The following CACNA1C variants were observed in gnomAD, a reference collection of about 807,000 sequenced individuals.
CACNA1C encodes the protein calcium voltage-gated channel subunit alpha1 C.
CACNA1C carries 30 observed loss-of-function variants against 229.0 expected under a neutral mutation model. That is an observed-to-expected ratio of 0.13 (90% CI 0.10 to 0.18). CACNA1C has a LOEUF of 0.18. CACNA1C is among the 10% of genes least tolerant of loss of function. The probability of loss-of-function intolerance (pLI) is 1.00; values close to 1 mark genes in which losing one functional copy is unlikely to be tolerated. For missense variants in CACNA1C, 1,658 were observed against 2,845.0 expected, an observed-to-expected ratio of 0.58 and a Z score of 9.49; for synonymous variants, 1,114 against 1,132.5, an observed-to-expected ratio of 0.98 and a Z score of 0.33.
chr12:2,120,560 A>C (rs1292291579), intron 3 of CACNA1C, 130 bp downstream of exon 3: 1 of 704,420 alleles, frequency 1.4e-6, no homozygotes, highest in Non-Finnish European at 2.6e-6. Context: ...TGCAGAGCTC[A>C]CATCCCGAGT....
chr12:2,198,377 C>G (rs1424334107), intron 3 of CACNA1C, among the ~76,000 whole-genome samples: 1 of 152,160 alleles, frequency 6.6e-6, no homozygotes, highest in Non-Finnish European at 1.5e-5. Context: ...CTCTGTGGAA[C>G]CGGAGGCCTC....
intron 10 of CACNA1C, among the ~76,000 whole-genome samples, chr12:2,554,042 T>G (rs2042749986): frequency 6.6e-6 from 1 of 152,202 alleles, no homozygotes; most frequent in Admixed American, 6.5e-5. Flanking sequence ...TTGGGACAAT[T>G]CAGGGAAATA....
At chr12:2,062,134 A>G (rs2057732272) in intron 1 of CACNA1C, among the ~76,000 whole-genome samples, 2 of 152,180 alleles carry the variant, frequency 1.3e-5, no homozygotes, top group Non-Finnish European at 2.9e-5. Context: ...GGAGCCATAT[A>G]TGTTTTAATT....
intron 3 of CACNA1C, among the ~76,000 whole-genome samples, chr12:2,177,884 G>C (rs766344103): frequency 6.6e-6 from 1 of 152,000 alleles, no homozygotes; most frequent in South Asian, 2.1e-4. Context: ...TGATCCATCC[G>C]CCTCTGCCTC....
chr12:2,564,046 C>A (rs536897496), intron 11 of CACNA1C, among the ~76,000 whole-genome samples: 115 of 152,292 alleles, frequency 7.6e-4, no homozygotes, highest in African/African-American at 2.7e-3. Flanking sequence ...CGGACTCATG[C>A]CATGGACTGT....
At chr12:2,426,113 T>C (rs1309410981) in intron 3 of CACNA1C, among the ~76,000 whole-genome samples, 1 of 152,172 alleles carries the variant, frequency 6.6e-6, no homozygotes, top group Non-Finnish European at 1.5e-5. Flanking sequence ...TGGTGAGAAC[T>C]AACCCAGCAC....
At chr12:2,143,793 G>C (rs1186599295) in intron 3 of CACNA1C, among the ~76,000 whole-genome samples, 1 of 151,108 alleles carries the variant, frequency 6.6e-6, no homozygotes, top group Non-Finnish European at 1.5e-5. Flanking sequence ...GGGGCTTCCT[G>C]GATTTGGTTG....
chr12:2,303,285 G>GGGAGGCT (rs1253184683), intron 3 of CACNA1C, among the ~76,000 whole-genome samples: 1 of 152,172 alleles, frequency 6.6e-6, no homozygotes, highest in African/African-American at 2.4e-5. Flanking sequence ...CTTCTCAGGC[G>GGGAGGCT]GGAGGCTGGA....
At chr12:2,411,092 G>C (rs1322681368) in intron 3 of CACNA1C, among the ~76,000 whole-genome samples, 1 of 152,094 alleles carries the variant, frequency 6.6e-6, no homozygotes, top group Non-Finnish European at 1.5e-5. Flanking sequence ...GTCCCCAACT[G>C]CTCCGCCCGT....
At chr12:1,982,768 C>T (rs2036528440) in intron 1 of CACNA1C, among the ~76,000 whole-genome samples, 1 of 152,008 alleles carries the variant, frequency 6.6e-6, no homozygotes, top group Admixed American at 6.6e-5. Context: ...ATGTCTTTGC[C>T]TTGTTTTGGT....
chr12:2,041,841 C>T (rs868572883), intron 1 of CACNA1C, among the ~76,000 whole-genome samples: 3 of 152,184 alleles, frequency 2.0e-5, no homozygotes, highest in African/African-American at 4.8e-5. Context: ...CCGGGGCTGC[C>T]GAGCCAGGAC....
At chr12:2,451,988 T>C (rs1163181233) in intron 4 of CACNA1C, among the ~76,000 whole-genome samples, 1 of 152,192 alleles carries the variant, frequency 6.6e-6, no homozygotes, top group Non-Finnish European at 1.5e-5. Context: ...ACCACCTCTC[T>C]TCAGCTCATC....
intron 3 of CACNA1C, among the ~76,000 whole-genome samples, chr12:2,356,392 G>C (rs2097363941): frequency 6.6e-6 from 1 of 152,248 alleles, no homozygotes; most frequent in Non-Finnish European, 1.5e-5. Flanking sequence ...GGACTGTCCA[G>C]AGTCTATACT....
At position 2,597,796 on chromosome 12, in the gene CACNA1C, A is replaced by T. The variant is rs2069170181; in HGVS notation, c.2853+507A>T. Among the ~76,000 whole-genome samples the T allele has an allele frequency of 1.3e-5, 2 of 152,176 alleles. No homozygotes were observed. Among genetic ancestry groups the T allele is most frequent in the Admixed American group, 1.3e-4 (2 of 15,280 alleles). On this transcript the variant is annotated intron_variant, in intron 21 of 46. Transcript: ENST00000399655. This position sits in a 1 kb window ranked among gnomAD's most constrained non-coding sequence, Gnocchi z 4.3. ...CTGCCATTTCACTGGTTGGGGCTGC[A>T]GCCGTCAGCAGCGCCAGACATACAT...
chr12:2,222,282 T>C (rs2061661642), intron 3 of CACNA1C: 1 of 152,184 alleles, frequency 6.6e-6, no homozygotes, highest in Non-Finnish European at 1.5e-5. Flanking sequence ...AGGACAACCA[T>C]TTGTATTCAG....
chr12:2,679,708 A>G lies in CACNA1C; in HGVS notation c.5356A>G (p.Ser1786Gly), dbSNP rs1270706686. 3.1e-6 allele frequency: 5 copies of G among 1,610,368 alleles called. No homozygotes were observed. The South Asian group carries it at 5.5e-5, about 18-fold the overall frequency. ...GRLPRPAGYPSTVSTVEGHGP... is the reference protein window; with the variant it reads ...GRLPRPAGYPGTVSTVEGHGP... ...CCTCCCTCGCCCCGCCGGCTACCCCAGCACGGTCAGCACTGTGGAGGGCCA... is the reference window on the plus strand; with the variant it reads ...CCTCCCTCGCCCCGCCGGCTACCCCGGCACGGTCAGCACTGTGGAGGGCCA... The change falls in exon 42 of 47, where the codon AGC (serine) becomes GGC (glycine). Residue 1786 changes from serine to glycine, a missense_variant. This residue lies in a region of CACNA1C where 590 missense variants were observed against 700.8 expected (regional missense o/e 0.84). Coordinates refer to ENST00000399655, the MANE Select transcript of CACNA1C (RefSeq NM_000719.7). The surrounding 1 kb of genome is among the most constrained non-coding windows in gnomAD (Gnocchi z 5.5).
At chr12:2,286,382 C>A (rs2092677698) in intron 3 of CACNA1C, among the ~76,000 whole-genome samples, 1 of 152,168 alleles carries the variant, frequency 6.6e-6, no homozygotes, top group Admixed American at 6.5e-5. Flanking sequence ...GAACATAATA[C>A]TTGAAAGTGG....
rs76802956 is a variant in CACNA1C, at chr12:2,208,197, G to A, written c.477+87767G>A. Among the ~76,000 whole-genome samples, 232 of 152,270 alleles carry A rather than the reference G, an allele frequency of 1.5e-3. 1 individual carries two copies. Among genetic ancestry groups the A allele is most frequent in the African/African-American group, 5.4e-3 (226 of 41,530 alleles). ...AGTATAAAGTGATAAGCAAGGAAGC[G>A]GAAAACGTAGCATGATGCCCAGCCT... On this transcript the variant is annotated intron_variant, in intron 3 of 46. Transcript: ENST00000399655.
intron 3 of CACNA1C, among the ~76,000 whole-genome samples, chr12:2,356,279 T>C (rs1567214471): frequency 1.3e-5 from 2 of 152,222 alleles, no homozygotes; most frequent in Non-Finnish European, 2.9e-5. Flanking sequence ...TTATTGTGCA[T>C]CTTAATGACA....
Sources: gnomAD v4.1 joint callset for allele counts (sites outside exome capture counted in the v4.1 genomes callset) on GRCh38, gnomAD v4.1.1 for gene constraint, gnomAD v4.1.1 regional missense constraint, Gnocchi (gnomAD v3.1) non-coding constraint, MANE v1.5 for transcripts, NCBI Gene and HGNC (gene_info 2026-07-23, HGNC 2026-07-21) for gene names.